The following HNRNPH1 variants were observed in gnomAD, a reference collection of about 807,000 sequenced individuals.
The protein encoded by HNRNPH1 is heterogeneous nuclear ribonucleoprotein H1.
In HNRNPH1, 4 loss-of-function variants were observed where a neutral mutation model predicts 58.6. The ratio of observed to expected loss-of-function variants is 0.07; its 90% CI spans 0.03 to 0.16. HNRNPH1 has a LOEUF of 0.16. Ranked by LOEUF, HNRNPH1 falls within the 10% of genes least tolerant of loss-of-function variation. The probability of loss-of-function intolerance (pLI) is 1.00; values close to 1 mark genes in which losing one functional copy is unlikely to be tolerated. For synonymous variants in HNRNPH1, 192 were observed against 189.2 expected (o/e 1.01, Z -0.12); for missense variants, 271 against 564.2 (o/e 0.48, Z 5.26).
chr5:179,616,945 T>C, exon 10 of HNRNPH1: 1 of 1,606,754 alleles, frequency 6.2e-7, no homozygotes, highest in Non-Finnish European at 8.5e-7. Flanking sequence ...AGAAGAGTTC[T>C]ACATATCTGT....
chr5:179,629,049 G>GCA (rs1774608049), upstream of HNRNPH1: 1 of 150,494 alleles, frequency 6.6e-6, no homozygotes. Context: ...TGTAATCCCA[G>GCA]CACTTTGGGA....
upstream of HNRNPH1, chr5:179,629,113 C>G (rs543685160): frequency 8.7e-5 from 12 of 137,392 alleles, no homozygotes; most frequent in Admixed American, 2.9e-4. Context: ...CTGGATAACA[C>G]AGTGAAACCC....
chr5:179,620,796 C>T (rs1031432063), intron 3 of HNRNPH1, 96 bp downstream of exon 4: 7 of 1,047,770 alleles, frequency 6.7e-6, no homozygotes, highest in Non-Finnish European at 1.0e-5. Flanking sequence ...TTACAACCTA[C>T]TGAAATACCT....
exon 13 of HNRNPH1, chr5:179,614,784 G>GAAAA (rs35827689): frequency 1.5e-3 from 667 of 446,002 alleles, no homozygotes; most frequent in South Asian, 4.4e-3. Flanking sequence ...TTTTCTTAAA[G>GAAAA]AAAAAAAAAA....
At chr5:179,617,455 T>C in intron 8 of HNRNPH1, 59 bp downstream of exon 9, 1 of 1,557,070 alleles carries the variant, frequency 6.4e-7, no homozygotes, top group Non-Finnish European at 8.7e-7. Context: ...ATTTCTCTAT[T>C]GTAAATGTTA....
At chr5:179,615,989 G>A (rs1769373089) in intron 11 of HNRNPH1, 137 bp downstream of exon 12, 2 of 702,454 alleles carry the variant, frequency 2.8e-6, no homozygotes, top group Non-Finnish European at 5.1e-6. Context: ...AAAGGAGCCT[G>A]CATCTTCCCA....
At chr5:179,617,013 A>G (rs774110755) in intron 9 of HNRNPH1, 38 bp downstream of exon 10, 2 of 1,605,780 alleles carry the variant, frequency 1.2e-6, no homozygotes, top group African/African-American at 1.3e-5. Context: ...CACTAAAGTG[A>G]TATTTACACA....
chr5:179,616,586 C>CCT (rs1769823444), intron 10 of HNRNPH1: 1 of 514,106 alleles, frequency 1.9e-6, no homozygotes, highest in Non-Finnish European at 3.4e-6. Context: ...TTATCTTAAT[C>CCT]CTGTTTTGCT....
chr5:179,629,893 C>T (rs771224673), intron 2 of HNRNPH1, among the ~76,000 whole-genome samples: 7 of 151,822 alleles, frequency 4.6e-5, no homozygotes, highest in Non-Finnish European at 1.0e-4. Context: ...GGCATGGTGG[C>T]ACTTGCCTGT....
exon 1 of HNRNPH1, chr5:179,624,187 G>T (rs1335655126): frequency 3.9e-6 from 1 of 257,376 alleles, no homozygotes; most frequent in Admixed American, 5.5e-5. Flanking sequence ...TCCCCAAACC[G>T]GCCGAAGCTG....
upstream of HNRNPH1, among the ~76,000 whole-genome samples, chr5:179,628,259 T>C (rs1424576191): frequency 2.0e-5 from 3 of 152,260 alleles, no homozygotes; most frequent in Admixed American, 6.5e-5. Context: ...ATATTTGTTA[T>C]CTTTAGTATC....
upstream of HNRNPH1, among the ~76,000 whole-genome samples, chr5:179,625,951 A>ATTTTTTT (rs1381471661): frequency 6.0e-5 from 9 of 149,790 alleles, no homozygotes; most frequent in African/African-American, 2.2e-4. Context: ...TTATTTATTT[A>ATTTTTTT]TTTATTTATT....
chr5:179,622,063 C>A, intron 1 of HNRNPH1: 7 of 450,066 alleles, frequency 1.6e-5, no homozygotes, highest in South Asian at 1.1e-4. Context: ...AGTCTAATTT[C>A]TTTTTCCCAG....
chr5:179,623,382 C>T, exon 1 of HNRNPH1: 1 of 324,000 alleles, frequency 3.1e-6, no homozygotes, highest in South Asian at 3.1e-5. Context: ...GGCCGAGAGC[C>T]AGCGTAGAGG....
intron 2 of HNRNPH1, among the ~76,000 whole-genome samples, chr5:179,629,974 A>T (rs1774701306): frequency 6.6e-6 from 1 of 152,140 alleles, no homozygotes; most frequent in South Asian, 2.1e-4. Context: ...CAGTGAGACT[A>T]GATCACGCCA....
rs1196001926 is a variant in HNRNPH1, at chr5:179,616,651, T to TC, written c.1207+217dup. On this transcript the variant is annotated intron_variant, in intron 10 of 12. Transcript: ENST00000356731. ...TAAGTAGTTTCACTCCGTAGTCCCC[T>TC]CCCCCAAGACTACTTAAACCTAATT... 7 of 572,080 alleles carry TC rather than the reference T, an allele frequency of 1.2e-5. No individual in the cohort carries two copies. In the Admixed American group the frequency reaches 2.0e-4, roughly 16 times the overall value. The allele number at this position is 572,080 out of a possible 1,614,324, so 35.4% of individuals were successfully genotyped here.
Position 179,617,661 on chromosome 5 carries a change from G to A in HNRNPH1, c.922-12C>T, listed in dbSNP as rs1770443298. 4 of 1,609,556 alleles carry A rather than the reference G, an allele frequency of 2.5e-6. No individual in the cohort carries two copies. Among genetic ancestry groups the A allele is most frequent in the African/African-American group, 1.3e-5 (1 of 74,636 alleles). ...AGCGGTGAAAAAAACTACAACACAA[G>A]GCATTTCAAAGAATTCAACCAACTT... On this transcript the variant is annotated splice_polypyrimidine_tract_variant and intron_variant, in intron 7 of 12. Transcript: ENST00000356731.
intron 1 of HNRNPH1, chr5:179,621,736 A>G: frequency 2.6e-6 from 1 of 382,222 alleles, no homozygotes; most frequent in Non-Finnish European, 5.0e-6. Flanking sequence ...TACGGCAAAC[A>G]TACTTCGTTG....
chr5:179,624,143 G>C (rs1394719589), exon 1 of HNRNPH1: 1 of 184,736 alleles, frequency 5.4e-6, no homozygotes, highest in African/African-American at 2.3e-5. Context: ...GCCTTCAGGC[G>C]TTCCCACTCC....
Sources: allele counts gnomAD v4.1 joint callset (sites outside exome capture counted in the v4.1 genomes callset), GRCh38; gene constraint gnomAD v4.1.1; transcripts MANE v1.5; gene names NCBI Gene and HGNC (gene_info 2026-07-23, HGNC 2026-07-21).